The following SBF2 variants were observed in gnomAD, a reference collection of about 807,000 sequenced individuals.
SBF2 encodes the protein SET binding factor 2, also known as myotubularin-related protein 13.
SBF2 carries 112 observed loss-of-function variants against 225.2 expected under a neutral mutation model. That is an observed-to-expected ratio of 0.50 (90% confidence interval 0.43 to 0.58). The LOEUF (loss-of-function observed/expected upper bound fraction) is 0.58, where lower values mean the gene tolerates loss of function less well. SBF2 is among the 20% of genes least tolerant of loss of function. SBF2 has a pLI of 0.00. For missense variants in SBF2, 1,996 were observed against 2,206.2 expected (o/e 0.90, Z 1.91); for synonymous variants, 763 against 773.3 (o/e 0.99, Z 0.22).
At chr11:9,925,964 A>G (rs369289582) in intron 16 of SBF2, among the ~76,000 whole-genome samples, 36 of 108,198 alleles carry the variant, frequency 3.3e-4, no homozygotes, top group African/African-American at 1.3e-3. Flanking sequence ...CCAACGTGAT[A>G]ACGTTTTCCA....
intron 2 of SBF2, among the ~76,000 whole-genome samples, chr11:10,172,598 C>T (rs185056848): frequency 7.5e-4 from 115 of 152,320 alleles, no homozygotes; most frequent in African/African-American, 2.4e-3. Flanking sequence ...GGTGATCCAC[C>T]GGCCTCGGCC....
At chr11:10,267,845 T>C (rs1962142065) in intron 1 of SBF2, among the ~76,000 whole-genome samples, 1 of 152,186 alleles carries the variant, frequency 6.6e-6, no homozygotes. Context: ...TATAGTAATT[T>C]ACATTTTCAA....
At chr11:9,978,552 TTAATAA>T (rs1045270122) in intron 13 of SBF2, among the ~76,000 whole-genome samples, 1 of 152,248 alleles carries the variant, frequency 6.6e-6, no homozygotes, top group African/African-American at 2.4e-5. Flanking sequence ...ATATAATCTC[TTAATAA>T]TAATACTTCA....
At chr11:9,818,217 T>C (rs564362819) in intron 28 of SBF2, among the ~76,000 whole-genome samples, 18 of 152,314 alleles carry the variant, frequency 1.2e-4, no homozygotes, top group African/African-American at 3.8e-4. Flanking sequence ...AGTGCTGGGA[T>C]TACAGGCATG....
At chr11:10,175,496 A>ATATATATTTATATG (rs1175212573) in intron 2 of SBF2, among the ~76,000 whole-genome samples, 1 of 151,566 alleles carries the variant, frequency 6.6e-6, no homozygotes, top group Non-Finnish European at 1.5e-5. Flanking sequence ...ATACAGGAGC[A>ATATATATTTATATG]CCCAGATTCA....
chr11:10,017,222 C>T lies in SBF2; in HGVS notation c.619+11230G>A, dbSNP rs375094087. Among the ~76,000 whole-genome samples the T allele has an allele frequency of 6.0e-4, 91 of 152,272 alleles. 2 individuals carry two copies. Among genetic ancestry groups the T allele is most frequent in the African/African-American group, 2.1e-3 (87 of 41,546 alleles). On this transcript the variant is annotated intron_variant, in intron 6 of 39. Coordinates refer to ENST00000256190, the MANE Select transcript of SBF2 (RefSeq NM_030962.4). ...AGAAAAAAAGAACTTTCTCCAGACT[C>T]CTGCATTCTCTGAATAATAATGATA... is the stretch of plus-strand genomic sequence containing the variant.
intron 13 of SBF2, among the ~76,000 whole-genome samples, chr11:9,974,092 T>C (rs1468425388): frequency 6.6e-6 from 1 of 152,164 alleles, no homozygotes; most frequent in African/African-American, 2.4e-5. Flanking sequence ...GTAGTGTACA[T>C]GACATTGATG....
At chr11:9,979,582 A>G (rs1946851299) in intron 13 of SBF2, among the ~76,000 whole-genome samples, 1 of 152,192 alleles carries the variant, frequency 6.6e-6, no homozygotes. Flanking sequence ...ATGGTTATAA[A>G]TAACTAAAAA....
chr11:10,293,889 C>G (rs1465459473), intron 1 of SBF2, 126 bp downstream of exon 1: 23 of 677,706 alleles, frequency 3.4e-5, no homozygotes, highest in Middle Eastern at 4.9e-4. Context: ...ACGCCGACCG[C>G]CCGCTCCTCC....
At chr11:10,170,887 T>A (rs1956155801) in intron 2 of SBF2, among the ~76,000 whole-genome samples, 1 of 152,144 alleles carries the variant, frequency 6.6e-6, no homozygotes, top group African/African-American at 2.4e-5. Flanking sequence ...AATTCCTTGG[T>A]ATTTTATCTG....
At chr11:9,977,246 G>A (rs1173159744) in intron 13 of SBF2, among the ~76,000 whole-genome samples, 2 of 152,078 alleles carry the variant, frequency 1.3e-5, no homozygotes, top group Non-Finnish European at 2.9e-5. Context: ...CATTTTAGGA[G>A]GCTGAGGTAG....
At chr11:10,133,378 G>A (rs895174455) in intron 2 of SBF2, among the ~76,000 whole-genome samples, 12 of 149,584 alleles carry the variant, frequency 8.0e-5, no homozygotes, top group East Asian at 2.2e-4. Flanking sequence ...GGGGAGGCTC[G>A]GGCCGCACAG....
At chr11:10,004,572 A>ATT (rs1310827709) in intron 6 of SBF2, among the ~76,000 whole-genome samples, 1 of 139,164 alleles carries the variant, frequency 7.2e-6, no homozygotes, top group African/African-American at 2.7e-5. Context: ...AGCTACAAAA[A>ATT]TTAAAAAAAA....
chr11:9,801,284 G>A (rs1250776965), intron 32 of SBF2, among the ~76,000 whole-genome samples: 2 of 152,078 alleles, frequency 1.3e-5, no homozygotes, highest in African/African-American at 4.8e-5. Flanking sequence ...TTGTTTTTCC[G>A]TTATGGAGTG....
chr11:9,792,690 G>T (rs1294944896), intron 33 of SBF2, among the ~76,000 whole-genome samples: 2 of 152,102 alleles, frequency 1.3e-5, no homozygotes, highest in African/African-American at 2.4e-5. Context: ...CCAGAGAGGA[G>T]GCTGGGTAGA....
chr11:9,962,672 T>C (rs999719908), intron 15 of SBF2, among the ~76,000 whole-genome samples: 11 of 152,218 alleles, frequency 7.2e-5, no homozygotes, highest in Non-Finnish European at 1.3e-4. Context: ...GCATTAAAAC[T>C]CTTTTCGCTT....
intron 22 of SBF2, among the ~76,000 whole-genome samples, chr11:9,847,691 G>A (rs1288255807): frequency 6.6e-6 from 1 of 152,048 alleles, no homozygotes; most frequent in African/African-American, 2.4e-5. Flanking sequence ...AGACTTTTAG[G>A]AGTTTATTAA....
chr11:10,074,183 T>C (rs752849670), intron 2 of SBF2, among the ~76,000 whole-genome samples: 5 of 152,162 alleles, frequency 3.3e-5, no homozygotes, highest in Non-Finnish European at 4.4e-5. Context: ...ATTGCTGTAG[T>C]TGTATGATGA....
At chr11:9,861,619 G>A (rs1224214623) in intron 17 of SBF2, among the ~76,000 whole-genome samples, 1 of 148,826 alleles carries the variant, frequency 6.7e-6, no homozygotes. Flanking sequence ...AGCTGAGATC[G>A]CGCCACTGTA....
Sources: gnomAD v4.1 joint callset for allele counts (sites outside exome capture counted in the v4.1 genomes callset) on GRCh38, gnomAD v4.1.1 for gene constraint, MANE v1.5 for transcripts, NCBI Gene and HGNC (gene_info 2026-07-23, HGNC 2026-07-21) for gene names.